The following SERPINB5 variants were observed in gnomAD, a reference collection of about 807,000 sequenced individuals.
SERPINB5 encodes serpin B5.
Under a neutral mutation model 32.2 loss-of-function variants are expected in SERPINB5, and 27 were observed. The observed-to-expected ratio is 0.84, with a 90% confidence interval of 0.62 to 1.16. The LOEUF is 1.16. Among genes scored for constraint, SERPINB5 ranks in the 50% most tolerant of loss-of-function variants. The pLI, the probability that SERPINB5 is intolerant of heterozygous loss-of-function variation, is 0.00. For synonymous variants in SERPINB5, 154 were observed against 157.4 expected, an observed-to-expected ratio of 0.98 and a Z score of 0.16; for missense variants, 388 against 436.3, an observed-to-expected ratio of 0.89 and a Z score of 0.99.
In SERPINB5 at chr18:63,493,012, G is replaced by A. The variant is rs762194029; in HGVS notation, c.484G>A (p.Val162Ile). 8.7e-6 allele frequency: 14 copies of A among 1,614,088 alleles called. No homozygotes were observed. Among genetic ancestry groups the A allele is most frequent in the Non-Finnish European group, 1.2e-5 (14 of 1,180,056 alleles). The change falls in exon 5 of 7, where the codon GTT (valine) becomes ATT (isoleucine). Residue 162 changes from valine (V) to isoleucine (I), a missense_variant. Physicochemically the swap from Val to Ile is conservative, Grantham distance 29 (BLOSUM62 3). Coordinates refer to ENST00000382771, the MANE Select transcript of SERPINB5 (RefSeq NM_002639.5). ...SVNDQTKILV[V>I]NAAYFVGKWM... ...GAACGACCAGACCAAAATCCTTGTG[G>A]TTAATGCTGCCTACTTTGTTGGCAA...
Position 63,498,257 on chromosome 18 carries a change from CTT to C in SERPINB5, c.568-860_568-859del. Among the ~76,000 whole-genome samples, 1 of 152,020 alleles carries C rather than the reference CTT, an allele frequency of 6.6e-6. No homozygotes were observed. Among genetic ancestry groups the C allele is most frequent in the Admixed American group, 6.6e-5 (1 of 15,260 alleles). Reference sequence around the variant, plus strand: ...GGCGTGTGCCACCATGCCTGGCTGACTTTTGTATTTTTTAGTAGAGACAAGGT... The same window carrying C: ...GGCGTGTGCCACCATGCCTGGCTGACTTGTATTTTTTAGTAGAGACAAGGT... On this transcript the variant is annotated intron_variant, in intron 5 of 6. Transcript: ENST00000382771. This position sits in a 1 kb window ranked among gnomAD's most constrained non-coding sequence, Gnocchi z 4.2.
At chr18:63,494,197 C>T (rs1909401302) in intron 5 of SERPINB5, among the ~76,000 whole-genome samples, 1 of 151,750 alleles carries the variant, frequency 6.6e-6, no homozygotes, top group Non-Finnish European at 1.5e-5. Flanking sequence ...TGGCATGTGC[C>T]TGTAATCCCA....
At chr18:63,497,426 C>T (rs1909472824) in intron 5 of SERPINB5, 1 of 925,834 alleles carries the variant, frequency 1.1e-6, no homozygotes, top group Admixed American at 1.7e-5. Flanking sequence ...ACCTGCCTGT[C>T]CCTGCTGCTG....
chr18:63,504,894 T>C lies in SERPINB5; in HGVS notation c.*1172T>C, dbSNP rs924181865. 6.6e-6 allele frequency: 1 copy of C among 152,180 alleles called. No individual in the cohort carries two copies. Among genetic ancestry groups the C allele is most frequent in the Non-Finnish European group, 1.5e-5 (1 of 68,028 alleles). 9.4% of individuals were successfully genotyped at this position (152,180 alleles called of 1,614,324 possible). On this transcript the variant is annotated 3_prime_UTR_variant, in exon 7 of 7. Coordinates refer to ENST00000382771, the MANE Select transcript of SERPINB5 (RefSeq NM_002639.5). ...TTATATTAATAGTAATTTGTAAAGT[T>C]GGTTGGATAAGCTATCCGTGTTGCA... is the stretch of plus-strand genomic sequence containing the variant.
chr18:63,499,586 T>G (rs1370814595), intron 6 of SERPINB5, among the ~76,000 whole-genome samples: 1 of 152,210 alleles, frequency 6.6e-6, no homozygotes, highest in Admixed American at 6.5e-5. Flanking sequence ...CACTCTTGTT[T>G]ACCAGTGAGG....
At chr18:63,478,375 GC>G (rs1346044320) in intron 1 of SERPINB5, among the ~76,000 whole-genome samples, 1 of 152,086 alleles carries the variant, frequency 6.6e-6, no homozygotes, top group African/African-American at 2.4e-5. Flanking sequence ...CAAAGCAGAC[GC>G]CCCCCTGCCA....
chr18:63,488,749 TA>T (rs1917253451), intron 3 of SERPINB5, among the ~76,000 whole-genome samples: 1 of 152,216 alleles, frequency 6.6e-6, no homozygotes. Flanking sequence ...AGCATTAGAA[TA>T]AGAACTCCTG....
chr18:63,481,469 T>A (rs534582328), intron 1 of SERPINB5, among the ~76,000 whole-genome samples: 1 of 152,274 alleles, frequency 6.6e-6, no homozygotes, highest in African/African-American at 2.4e-5. Flanking sequence ...TTGGAGGAGC[T>A]ACTTGTGTTT....
In SERPINB5 at chr18:63,478,758, G is replaced by GTTTTT. The variant is rs10669993; in HGVS notation, c.-8+1725_-8+1729dup. ...GATACTCTGACACAGTAAAAACGTA[G>GTTTTT]TTTTTTTTTTTTTTTTCTTGAGATG... On this transcript the variant is annotated intron_variant, in intron 1 of 6. Transcript: ENST00000382771. 4.4e-4 allele frequency among the ~76,000 whole-genome samples: 59 copies of GTTTTT among 135,380 alleles called. 7 individuals are homozygous for GTTTTT. Among genetic ancestry groups the GTTTTT allele is most frequent in the Non-Finnish European group, 5.2e-4 (34 of 64,972 alleles). 88.8% of individuals were successfully genotyped at this position (135,380 alleles called of 152,430 possible). A position where few individuals can be genotyped will look rare whatever the true frequency, so the allele number is the denominator to read the frequency against.
chr18:63,492,807 CCTT>C (rs1433466846), intron 4 of SERPINB5, 143 bp from the exon 5 acceptor site: 4 of 963,038 alleles, frequency 4.2e-6, no homozygotes, highest in South Asian at 3.3e-5. Flanking sequence ...AGAAAGGAGT[CCTT>C]CTGAAATTTG....
At chr18:63,500,342 C>T (rs1909545647) in intron 6 of SERPINB5, among the ~76,000 whole-genome samples, 1 of 151,852 alleles carries the variant, frequency 6.6e-6, no homozygotes, top group Non-Finnish European at 1.5e-5. Flanking sequence ...GGATTATAGG[C>T]ATGAGCCACC....
rs1433677333 is a variant in SERPINB5 at position 63,499,225 on chromosome 18, C to T, written c.673C>T (p.His225Tyr). The change falls in exon 6 of 7, where the codon CAT becomes TAT. Residue 225 changes from histidine (H) to tyrosine (Y), a missense_variant. By Grantham distance (83) the His-to-Tyr change is moderately conservative (BLOSUM62 2). Transcript: ENST00000382771. Reference sequence around the variant, plus strand: ...CATAGAGCTTCCTTTTCAAAATAAGCATCTCAGCATGTTCATCCTACTACC... The same window carrying T: ...CATAGAGCTTCCTTTTCAAAATAAGTATCTCAGCATGTTCATCCTACTACC... ...KIIELPFQNKHLSMFILLPKD... is the reference protein window; with the variant it reads ...KIIELPFQNKYLSMFILLPKD... The T allele has an allele frequency of 6.9e-6, 11 of 1,600,546 alleles. No homozygotes were observed. Among genetic ancestry groups the T allele is most frequent in the Non-Finnish European group, 9.4e-6 (11 of 1,173,048 alleles).
intron 2 of SERPINB5, among the ~76,000 whole-genome samples, chr18:63,485,377 T>G (rs747120276): frequency 8.5e-5 from 13 of 152,248 alleles, no homozygotes; most frequent in South Asian, 4.1e-4. Context: ...ACTCTTATGC[T>G]AATCATTCTA....
chr18:63,490,043 T>A (rs1909290310), intron 4 of SERPINB5, among the ~76,000 whole-genome samples: 1 of 151,990 alleles, frequency 6.6e-6, no homozygotes, highest in Admixed American at 6.6e-5. Context: ...ATACAAAAAA[T>A]TAGCCGGGCG....
chr18:63,487,324 T>G (rs1917232241), intron 3 of SERPINB5, among the ~76,000 whole-genome samples: 1 of 152,170 alleles, frequency 6.6e-6, no homozygotes, highest in Non-Finnish European at 1.5e-5. Context: ...CTCAAATAAA[T>G]CTTACCCTTT....
At chr18:63,500,486 GTATTT>G (rs1473392885) in intron 6 of SERPINB5, among the ~76,000 whole-genome samples, 3 of 151,856 alleles carry the variant, frequency 2.0e-5, no homozygotes, top group South Asian at 2.1e-4. Context: ...TTATATATAA[GTATTT>G]TATTTTATAT....
intron 5 of SERPINB5, among the ~76,000 whole-genome samples, chr18:63,494,401 T>G (rs1179347035): frequency 6.6e-6 from 1 of 151,838 alleles, no homozygotes; most frequent in African/African-American, 2.4e-5. Context: ...GACTGGAAAT[T>G]TGACCCATTT....
chr18:63,488,329 G>A (rs1245296855), intron 3 of SERPINB5, among the ~76,000 whole-genome samples: 1 of 152,190 alleles, frequency 6.6e-6, no homozygotes, highest in African/African-American at 2.4e-5. Flanking sequence ...ACTGAATCAA[G>A]TTATATTTAG....
At chr18:63,491,219 T>A (rs1207872417) in intron 4 of SERPINB5, among the ~76,000 whole-genome samples, 3 of 151,950 alleles carry the variant, frequency 2.0e-5, no homozygotes, top group Admixed American at 2.0e-4. Context: ...CTGGCCAACA[T>A]GGTGAAACCC....
Sources: gnomAD v4.1 joint callset for allele counts (sites outside exome capture counted in the v4.1 genomes callset) on GRCh38, gnomAD v4.1.1 for gene constraint, Gnocchi (gnomAD v3.1) non-coding constraint, MANE v1.5 for transcripts, NCBI Gene and HGNC (gene_info 2026-07-23, HGNC 2026-07-21) for gene names.